Variants in GPRIN3 observed in about 807,000 individuals in gnomAD.
The protein encoded by GPRIN3 is GPRIN family member 3.
In GPRIN3, 12 loss-of-function variants were observed where a neutral mutation model predicts 13.7. The observed-to-expected ratio is 0.87, with a 90% CI of 0.56 to 1.42. The LOEUF is 1.42. Among genes scored for constraint, GPRIN3 ranks in the 40% most tolerant of loss-of-function variants. The pLI is 0.00. For synonymous variants in GPRIN3, 377 were observed against 372.7 expected (o/e 1.01, Z -0.13); for missense variants, 1,009 against 958.7 (o/e 1.05, Z -0.69).
Position 89,262,253 on chromosome 4 carries a change from T to C in GPRIN3, c.-123-12020A>G, listed in dbSNP as rs1723652109. Among the ~76,000 whole-genome samples the C allele has an allele frequency of 2.6e-5, 4 of 152,264 alleles. No individual in the cohort carries two copies. In the South Asian group the frequency reaches 6.2e-4, roughly 24 times the overall value. ...AATTTCAAGATACTGGCATATTTTGTATGCTACCATTTGTATTAAGAAGAG... is the reference window on the plus strand; with the variant it reads ...AATTTCAAGATACTGGCATATTTTGCATGCTACCATTTGTATTAAGAAGAG... On this transcript the variant is annotated intron_variant, in intron 1 of 1. Coordinates refer to ENST00000609438, the MANE Select transcript of GPRIN3 (RefSeq NM_198281.3).
At position 89,249,538 on chromosome 4, in the gene GPRIN3, A is replaced by G. The variant is rs1302794092; in HGVS notation, c.573T>C (p.Ser191=). 1 of 1,614,072 alleles carries G rather than the reference A, an allele frequency of 6.2e-7. No individual in the cohort carries two copies. Among genetic ancestry groups the G allele is most frequent in the Non-Finnish European group, 8.5e-7 (1 of 1,179,996 alleles). The part of the protein sequence containing the change: ...SKDQVSCEFP[S]PETIQGTVQT... ...GCACTGTTCCCTGGATTGTTTCTGG[A>G]GAAGGAAACTCACAGGACACCTGAT... Residue 191 remains serine, a synonymous_variant, in exon 2 of 2, where the codon TCT becomes TCC. Coordinates refer to ENST00000609438, the MANE Select transcript of GPRIN3 (RefSeq NM_198281.3).
At position 89,242,171 on chromosome 4, in the gene GPRIN3, A is replaced by G. The variant is rs1017579288; in HGVS notation, c.*5609T>C. 23 of 152,182 alleles carry G rather than the reference A, an allele frequency of 1.5e-4. No individual in the cohort carries two copies. Among genetic ancestry groups the G allele is most frequent in the Admixed American group, 9.8e-4 (15 of 15,274 alleles). The allele number at this position is 152,182 out of a possible 1,614,324, so 9.4% of individuals were successfully genotyped here. On this transcript the variant is annotated 3_prime_UTR_variant, in exon 2 of 2. Transcript: ENST00000609438. ...TTTTTATTCCTACTATTTTGCAGCC[A>G]ATTAATTTTGAGCTTGAATCCAGAA...
intron 1 of GPRIN3, among the ~76,000 whole-genome samples, chr4:89,277,352 A>C (rs937301717): frequency 1.3e-5 from 2 of 152,228 alleles, no homozygotes; most frequent in East Asian, 1.9e-4. Flanking sequence ...AGGGGTCTGC[A>C]GTCCACAGAC....
At chr4:89,273,644 C>G (rs1165530211) in intron 1 of GPRIN3, among the ~76,000 whole-genome samples, 3 of 152,214 alleles carry the variant, frequency 2.0e-5, no homozygotes, top group African/African-American at 7.2e-5. Flanking sequence ...CAAGATCAGG[C>G]CACTGCACTC....
intron 1 of GPRIN3, among the ~76,000 whole-genome samples, chr4:89,259,930 G>A (rs989029935): frequency 2.0e-5 from 3 of 152,114 alleles, no homozygotes; most frequent in African/African-American, 7.2e-5. Context: ...TCAGCCTCCT[G>A]AGCAGCTGGG....
At position 89,236,884 on chromosome 4, in the gene GPRIN3, C is replaced by T. The variant is rs1024739410; in HGVS notation, c.*10896G>A. Reference sequence around the variant, plus strand: ...TAGATGGAAGTGCCCAGCAAAACGTCTGGCACAAAGGCATTATTTTTTGTT... The same window carrying T: ...TAGATGGAAGTGCCCAGCAAAACGTTTGGCACAAAGGCATTATTTTTTGTT... On this transcript the variant is annotated 3_prime_UTR_variant, in exon 2 of 2. Coordinates refer to ENST00000609438, the MANE Select transcript of GPRIN3 (RefSeq NM_198281.3). 6.6e-6 allele frequency: 1 copy of T among 152,180 alleles called. No individual in the cohort carries two copies. Among genetic ancestry groups the T allele is most frequent in the Non-Finnish European group, 1.5e-5 (1 of 68,034 alleles). 9.4% of individuals were successfully genotyped at this position (152,180 alleles called of 1,614,324 possible). A position where few individuals can be genotyped will look rare whatever the true frequency, so the allele number is the denominator to read the frequency against.
intron 1 of GPRIN3, among the ~76,000 whole-genome samples, chr4:89,257,193 C>T (rs1723490155): frequency 6.6e-6 from 1 of 152,154 alleles, no homozygotes; most frequent in African/African-American, 2.4e-5. Context: ...TGTGGACTTT[C>T]AATTATAATG....
intron 1 of GPRIN3, among the ~76,000 whole-genome samples, chr4:89,305,993 G>C (rs1725023929): frequency 7.9e-5 from 12 of 152,122 alleles, no homozygotes; most frequent in Admixed American, 7.9e-4. Context: ...CTCTCCATGA[G>C]TTCCTCTGCT....
intron 1 of GPRIN3, among the ~76,000 whole-genome samples, chr4:89,274,724 G>A (rs1317856205): frequency 6.6e-6 from 1 of 152,146 alleles, no homozygotes; most frequent in East Asian, 1.9e-4. Context: ...AGAATGATCT[G>A]GAAGGCTTTA....
At chr4:89,262,070 G>A (rs1723645401) in intron 1 of GPRIN3, among the ~76,000 whole-genome samples, 1 of 148,468 alleles carries the variant, frequency 6.7e-6, no homozygotes, top group African/African-American at 2.5e-5. Flanking sequence ...AGGTTGCAGT[G>A]AGTTGAGATG....
intron 1 of GPRIN3, among the ~76,000 whole-genome samples, chr4:89,255,938 C>G (rs1239916028): frequency 1.3e-5 from 2 of 152,240 alleles, no homozygotes; most frequent in African/African-American, 2.4e-5. Context: ...GTATCCTTGA[C>G]AGCAGACTCT....
At chr4:89,267,822 A>C (rs1480373109) in intron 1 of GPRIN3, among the ~76,000 whole-genome samples, 1 of 152,234 alleles carries the variant, frequency 6.6e-6, no homozygotes, top group African/African-American at 2.4e-5. Flanking sequence ...TACACAAAGA[A>C]AGGTGCAGAT....
chr4:89,239,153 T>TA lies in GPRIN3; in HGVS notation c.*8626dup, dbSNP rs1289514503. On this transcript the variant is annotated 3_prime_UTR_variant, in exon 2 of 2. Coordinates refer to ENST00000609438, the MANE Select transcript of GPRIN3 (RefSeq NM_198281.3). ...TGTAAACATTATAATGTAGACATTA[T>TA]AAAAAAACATAACTTTGGATTTTAA... 1 of 152,112 alleles carries TA rather than the reference T, an allele frequency of 6.6e-6. No homozygotes were observed. Among genetic ancestry groups the TA allele is most frequent in the African/African-American group, 2.4e-5 (1 of 41,436 alleles). The allele number at this position is 152,112 out of a possible 1,614,324, so 9.4% of individuals were successfully genotyped here.
intron 1 of GPRIN3, among the ~76,000 whole-genome samples, chr4:89,266,904 T>C (rs1723796460): frequency 6.6e-6 from 1 of 152,230 alleles, no homozygotes; most frequent in Non-Finnish European, 1.5e-5. Context: ...TTATAGTTCT[T>C]AATTTTTACT....
intron 1 of GPRIN3, among the ~76,000 whole-genome samples, chr4:89,268,669 A>T (rs1723847170): frequency 6.6e-6 from 1 of 152,232 alleles, no homozygotes; most frequent in Non-Finnish European, 1.5e-5. Flanking sequence ...CCACTACTGA[A>T]GTATACAAGT....
intron 1 of GPRIN3, among the ~76,000 whole-genome samples, chr4:89,306,774 A>G (rs887315716): frequency 2.6e-5 from 4 of 152,068 alleles, no homozygotes; most frequent in East Asian, 1.9e-4. Flanking sequence ...ATTTCTCCCA[A>G]TGGCCCTCCA....
chr4:89,279,550 T>G (rs961324463), intron 1 of GPRIN3, among the ~76,000 whole-genome samples: 2 of 152,222 alleles, frequency 1.3e-5, no homozygotes, highest in African/African-American at 2.4e-5. Flanking sequence ...CACTCCCAAA[T>G]CTACTATCAT....
At chr4:89,258,110 A>G (rs1038622486) in intron 1 of GPRIN3, among the ~76,000 whole-genome samples, 11 of 151,562 alleles carry the variant, frequency 7.3e-5, no homozygotes, top group Non-Finnish European at 1.6e-4. Flanking sequence ...TAGGAAAAAG[A>G]ATTTCCAGAC....
chr4:89,245,141 A>T lies in GPRIN3; in HGVS notation c.*2639T>A, dbSNP rs1723057226. On this transcript the variant is annotated 3_prime_UTR_variant, in exon 2 of 2. Coordinates refer to ENST00000609438, the MANE Select transcript of GPRIN3 (RefSeq NM_198281.3). ...GAGAGTAACTTAGGGGAGGTATCAC[A>T]ATACAAAAATGCTGCTGTCTTGAAT... is the stretch of plus-strand genomic sequence containing the variant. The T allele has an allele frequency of 6.6e-6, 1 of 152,254 alleles. No individual in the cohort carries two copies. The highest frequency in any genetic ancestry group is 6.5e-5 in the Admixed American group (1 of 15,286). The allele number at this position is 152,254 out of a possible 1,614,324, so 9.4% of individuals were successfully genotyped here.
Sources: allele counts gnomAD v4.1 joint callset (sites outside exome capture counted in the v4.1 genomes callset), GRCh38; gene constraint gnomAD v4.1.1; transcripts MANE v1.5; gene names NCBI Gene and HGNC (gene_info 2026-07-23, HGNC 2026-07-21).